The following BICC1 variants were observed in gnomAD, a reference collection of about 807,000 sequenced individuals.
BICC1 encodes protein bicaudal C homolog 1.
Under a neutral mutation model 111.0 loss-of-function variants are expected in BICC1, and 43 were observed. The ratio of observed to expected loss-of-function variants is 0.39; its 90% CI spans 0.30 to 0.50. BICC1 has a LOEUF of 0.50. Ranked by LOEUF, BICC1 falls within the 20% of genes least tolerant of loss-of-function variation. The pLI is 0.88. For synonymous variants in BICC1, 467 were observed against 434.4 expected (o/e 1.07, Z -0.93); for missense variants, 1,091 against 1,203.2 (o/e 0.91, Z 1.38).
At chr10:58,667,897 C>G (rs144607975) in intron 2 of BICC1, among the ~76,000 whole-genome samples, 10 of 152,070 alleles carry the variant, frequency 6.6e-5, no homozygotes, top group Non-Finnish European at 1.5e-4. Flanking sequence ...GGGGAGCATG[C>G]CTGCTTAATC....
chr10:58,621,010 G>A lies in BICC1; in HGVS notation c.237+109G>A, dbSNP rs1191832419. 4 of 850,004 alleles carry A rather than the reference G, an allele frequency of 4.7e-6. No homozygotes were observed. The Admixed American group carries it at 1.0e-4, about 21-fold the overall frequency. 52.7% of individuals were successfully genotyped at this position (850,004 alleles called of 1,614,324 possible). Reference sequence around the variant, plus strand: ...CTCCCCTTCATGTGGAGGAGAACAGGTTTCTATACGGGAGCTGGAAACACT... The same window carrying A: ...CTCCCCTTCATGTGGAGGAGAACAGATTTCTATACGGGAGCTGGAAACACT... On this transcript the variant is annotated intron_variant, in intron 2 of 20. Coordinates refer to ENST00000373886, the MANE Select transcript of BICC1 (RefSeq NM_001080512.3).
chr10:58,791,757 C>A (rs1349039619), intron 8 of BICC1, among the ~76,000 whole-genome samples: 1 of 152,056 alleles, frequency 6.6e-6, no homozygotes, highest in African/African-American at 2.4e-5. Context: ...AAATCAATTT[C>A]TTCCACAGGA....
chr10:58,639,963 A>C (rs560262133), intron 2 of BICC1, among the ~76,000 whole-genome samples: 4 of 151,978 alleles, frequency 2.6e-5, no homozygotes, highest in Non-Finnish European at 5.9e-5. Flanking sequence ...AATCTTCTCA[A>C]ATGCAGTGTA....
intron 3 of BICC1, among the ~76,000 whole-genome samples, chr10:58,764,890 A>G (rs1486938860): frequency 6.6e-6 from 1 of 152,162 alleles, no homozygotes; most frequent in Admixed American, 6.5e-5. Flanking sequence ...TTAAGTTACT[A>G]ATCTGGAATA....
intron 1 of BICC1, among the ~76,000 whole-genome samples, chr10:58,547,857 C>T (rs886462064): frequency 6.6e-6 from 1 of 152,050 alleles, no homozygotes; most frequent in Non-Finnish European, 1.5e-5. Flanking sequence ...TAATTTCTGG[C>T]ACTACAAGAT....
chr10:58,733,747 A>C (rs1342787324), intron 3 of BICC1, among the ~76,000 whole-genome samples: 1 of 152,214 alleles, frequency 6.6e-6, no homozygotes, highest in Non-Finnish European at 1.5e-5. Context: ...TTGGCCTAGC[A>C]TCATAAATGC....
chr10:58,708,138 C>G (rs909289233), intron 3 of BICC1, among the ~76,000 whole-genome samples: 2 of 147,554 alleles, frequency 1.4e-5, no homozygotes, highest in Non-Finnish European at 3.0e-5. Flanking sequence ...GCCACCGCGC[C>G]TAGCCAGCCA....
rs115988681 is a variant in BICC1, at chr10:58,788,152, A to G, written c.547-218A>G. The stretch of plus-strand genomic sequence containing the variant: ...GTAAGTCCAGTGGGTGAAACAGATC[A>G]GTTGACACAAATTACCTGAGGATCT... On this transcript the variant is annotated intron_variant, in intron 5 of 20. Transcript: ENST00000373886. 8.4e-3 allele frequency among the ~76,000 whole-genome samples: 1,279 copies of G among 152,258 alleles called. 25 individuals are homozygous for G. The highest frequency in any genetic ancestry group is 0.029 in the African/African-American group (1,207 of 41,534).
intron 1 of BICC1, among the ~76,000 whole-genome samples, chr10:58,600,601 T>C (rs1319394277): frequency 6.6e-6 from 1 of 152,172 alleles, no homozygotes; most frequent in East Asian, 1.9e-4. Flanking sequence ...TATAATATAG[T>C]TGACTCTTGA....
chr10:58,799,329 G>A, intron 12 of BICC1, 77 bp downstream of exon 12: 3 of 1,176,090 alleles, frequency 2.6e-6, no homozygotes, highest in Non-Finnish European at 3.5e-6. Context: ...GTTAAAACAT[G>A]CTAGAATGTG....
intron 2 of BICC1, among the ~76,000 whole-genome samples, chr10:58,638,656 GA>G (rs1187138106): frequency 6.6e-6 from 1 of 152,236 alleles, no homozygotes; most frequent in East Asian, 1.9e-4. Flanking sequence ...GGGGTGATGA[GA>G]AAGGATGCCC....
intron 1 of BICC1, among the ~76,000 whole-genome samples, chr10:58,598,641 G>A (rs1844915866): frequency 6.6e-6 from 1 of 152,096 alleles, no homozygotes. Context: ...GGCAACAAAA[G>A]CCAGAATTTA....
intron 2 of BICC1, among the ~76,000 whole-genome samples, chr10:58,654,933 AT>A (rs1357536411): frequency 6.9e-6 from 1 of 144,432 alleles, no homozygotes; most frequent in Non-Finnish European, 1.5e-5. Flanking sequence ...CATTTATTAA[AT>A]AGGGAATCCT....
chr10:58,716,008 G>A, intron 3 of BICC1: 2 of 1,406,178 alleles, frequency 1.4e-6, no homozygotes, highest in Non-Finnish European at 2.0e-6. Flanking sequence ...AACTGAATCA[G>A]ACAGTAAGGA....
Position 58,823,728 on chromosome 10 carries a change from TC to T in BICC1, c.2794+3265del, listed in dbSNP as rs1253389365. 3 of 985,158 alleles carry T rather than the reference TC, an allele frequency of 3.0e-6. No homozygotes were observed. In the African/African-American group the frequency reaches 5.2e-5, roughly 17 times the overall value. The allele number at this position is 985,158 out of a possible 1,614,324, so 61.0% of individuals were successfully genotyped here. ...AATGTCTTCCTGAATTGTATGTTAT[TC>T]CCCCGTGAGAAAATGGAGGCCGAAG... On this transcript the variant is annotated intron_variant, in intron 20 of 20. Coordinates refer to ENST00000373886, the MANE Select transcript of BICC1 (RefSeq NM_001080512.3).
chr10:58,621,228 G>A (rs1263640724), intron 2 of BICC1, among the ~76,000 whole-genome samples: 1 of 152,184 alleles, frequency 6.6e-6, no homozygotes, highest in East Asian at 1.9e-4. Context: ...GGGTTATTGT[G>A]CAAGGTAAGG....
intron 3 of BICC1, among the ~76,000 whole-genome samples, chr10:58,711,666 C>T (rs1840577590): frequency 6.6e-6 from 1 of 152,152 alleles, no homozygotes; most frequent in South Asian, 2.1e-4. Flanking sequence ...GTTTGCTTAT[C>T]TTATAACTGC....
intron 3 of BICC1, among the ~76,000 whole-genome samples, chr10:58,784,332 G>C (rs1334079187): frequency 6.6e-6 from 1 of 152,132 alleles, no homozygotes; most frequent in Non-Finnish European, 1.5e-5. Flanking sequence ...CTTTCCTGTA[G>C]AAAGTTTAAT....
chr10:58,537,428 C>T (rs1465201365), intron 1 of BICC1, among the ~76,000 whole-genome samples: 1 of 151,346 alleles, frequency 6.6e-6, no homozygotes, highest in African/African-American at 2.4e-5. Flanking sequence ...TTGATAAAAT[C>T]TGGTATCCCT....
Sources: gnomAD v4.1 joint callset for allele counts (sites outside exome capture counted in the v4.1 genomes callset) on GRCh38, gnomAD v4.1.1 for gene constraint, MANE v1.5 for transcripts, NCBI Gene and HGNC (gene_info 2026-07-23, HGNC 2026-07-21) for gene names.